MS4A4E: variants seen among roughly 807,000 people sequenced by gnomAD.
MS4A4E encodes the protein putative membrane-spanning 4-domains subfamily A member 4E.
A neutral mutation model predicts 13.3 loss-of-function variants in MS4A4E; 23 were observed. The ratio of observed to expected loss-of-function variants is 1.73; its 90% CI spans 1.25 to 2.45. MS4A4E has a LOEUF of 2.45. MS4A4E is among the 30% of genes most tolerant of loss of function. MS4A4E has a pLI of 0.00. For synonymous variants in MS4A4E, 36 were observed against 45.6 expected (o/e 0.79, Z 0.85); for missense variants, 144 against 131.2 (o/e 1.10, Z -0.48).
At chr11:60,203,278 C>T (rs570233087) in intron 8 of MS4A4E, among the ~76,000 whole-genome samples, 20 of 152,134 alleles carry the variant, frequency 1.3e-4, no homozygotes, top group African/African-American at 4.1e-4. Flanking sequence ...CTTTTCATAT[C>T]GCCTACCAGT....
At chr11:60,217,188 T>C (rs2084206903) in intron 3 of MS4A4E, among the ~76,000 whole-genome samples, 1 of 152,184 alleles carries the variant, frequency 6.6e-6, no homozygotes, top group Non-Finnish European at 1.5e-5. Context: ...GTGAGAGTCT[T>C]ATCTTCTGTA....
intron 1 of MS4A4E, among the ~76,000 whole-genome samples, chr11:60,231,830 A>G (rs1176290508): frequency 6.6e-6 from 1 of 152,206 alleles, no homozygotes; most frequent in African/African-American, 2.4e-5. Context: ...GGATTCCATA[A>G]AGAAGGAAGT....
intron 3 of MS4A4E, among the ~76,000 whole-genome samples, chr11:60,216,865 G>T (rs2084201172): frequency 1.3e-5 from 2 of 152,072 alleles, no homozygotes; most frequent in Admixed American, 1.3e-4. Flanking sequence ...GAAAAACATG[G>T]AAAGACTAGA....
At chr11:60,235,044 T>C (rs1371500469) in intron 1 of MS4A4E, among the ~76,000 whole-genome samples, 1 of 152,106 alleles carries the variant, frequency 6.6e-6, no homozygotes, top group African/African-American at 2.4e-5. Flanking sequence ...TCAAAAACTG[T>C]CAAAAGAGGC....
At chr11:60,216,117 T>G (rs543453410) in intron 3 of MS4A4E, among the ~76,000 whole-genome samples, 112 of 152,216 alleles carry the variant, frequency 7.4e-4, no homozygotes, top group Non-Finnish European at 1.3e-3. Flanking sequence ...GCAGGTGATG[T>G]TCGGAAAAAA....
chr11:60,223,263 TTC>T (rs1238233561), intron 3 of MS4A4E, among the ~76,000 whole-genome samples: 14 of 151,082 alleles, frequency 9.3e-5, no homozygotes, highest in African/African-American at 3.5e-4. Context: ...TCATTTTATT[TTC>T]TTTCTTTTTT....
intron 1 of MS4A4E, among the ~76,000 whole-genome samples, chr11:60,240,047 C>T (rs2084529174): frequency 6.6e-6 from 1 of 152,098 alleles, no homozygotes; most frequent in East Asian, 1.9e-4. Flanking sequence ...TTCAGTCTTC[C>T]TCAAAATTTA....
In MS4A4E at chr11:60,204,943, C is replaced by T. The variant is rs961494767; in HGVS notation, c.606G>A (p.Gln202=). 6.6e-6 allele frequency among the ~76,000 whole-genome samples: 1 copy of T among 152,154 alleles called. No individual in the cohort carries two copies. Among genetic ancestry groups the T allele is most frequent in the African/African-American group, 2.4e-5 (1 of 41,436 alleles). The change falls in exon 8 of 9, where the codon CAG becomes CAA. Residue 202 remains glutamine, a synonymous_variant. Coordinates refer to ENST00000651255, the MANE Select transcript of MS4A4E (RefSeq NM_001393391.1). ...TGTCATAATAGACTTTTTCCAGATA[C>T]TGTCCATCTCCGGAGCTGGAGAAAG... The part of the protein sequence containing the change: ...DSTVWCSGDG[Q]YLEKVYYDIL...
At chr11:60,237,181 A>T (rs1411045929) in intron 1 of MS4A4E, among the ~76,000 whole-genome samples, 1 of 152,170 alleles carries the variant, frequency 6.6e-6, no homozygotes, top group Non-Finnish European at 1.5e-5. Flanking sequence ...TCCACTTATA[A>T]GTGAGAACAT....
rs375929200 is a variant in MS4A4E at position 60,201,044 on chromosome 11, G to A, written c.*499C>T. Among the ~76,000 whole-genome samples the A allele has an allele frequency of 9.6e-5, 14 of 146,184 alleles. No individual in the cohort carries two copies. The highest frequency in any genetic ancestry group is 2.1e-4 in the East Asian group (1 of 4,780). ...TGACCCCCCCACCTCCCTCCCAGAC[G>A]TGGTGGCTGGCCGGGTGGGGGGCTG... is the stretch of plus-strand genomic sequence containing the variant. On this transcript the variant is annotated 3_prime_UTR_variant, in exon 9 of 9. Coordinates refer to ENST00000651255, the MANE Select transcript of MS4A4E (RefSeq NM_001393391.1).
chr11:60,223,879 C>G (rs11823254), intron 3 of MS4A4E, among the ~76,000 whole-genome samples: 2,061 of 152,210 alleles, frequency 0.014, 50 homozygotes, highest in African/African-American at 0.046. Context: ...TCAATACTCC[C>G]TAATAAACTT....
Position 60,203,463 on chromosome 11 carries a change from T to C in MS4A4E, c.659+1427A>G, listed in dbSNP as rs187802345. Among the ~76,000 whole-genome samples, 149 of 152,308 alleles carry C rather than the reference T, an allele frequency of 9.8e-4. No individual in the cohort carries two copies. In the Middle Eastern group the frequency reaches 0.017, roughly 17 times the overall value. ...TAATCATGTATGTAAAGAATAATTA[T>C]CTTGGCCAGGTGCAGTGGCTCAAAC... On this transcript the variant is annotated intron_variant, in intron 8 of 8. Transcript: ENST00000651255.
rs58774671 is a variant in MS4A4E, at chr11:60,208,353, G to A, written c.483+240C>T. On this transcript the variant is annotated intron_variant, in intron 6 of 8. Transcript: ENST00000651255. ...CCTCAACTTAAAGGAAATTAATTCC[G>A]CCACATTCACATGAAAGAGAATCAG... Among the ~76,000 whole-genome samples the A allele has an allele frequency of 7.3e-3, 1,110 of 152,178 alleles. 11 individuals carry two copies. The highest frequency in any genetic ancestry group is 0.026 in the African/African-American group (1,081 of 41,532).
intron 1 of MS4A4E, among the ~76,000 whole-genome samples, chr11:60,241,163 A>C (rs981269552): frequency 6.6e-6 from 1 of 152,164 alleles, no homozygotes; most frequent in Non-Finnish European, 1.5e-5. Context: ...AGCTGGGGCT[A>C]CCGGCGCCTG....
intron 5 of MS4A4E, among the ~76,000 whole-genome samples, chr11:60,212,062 A>G (rs1369562838): frequency 6.6e-6 from 1 of 152,190 alleles, no homozygotes; most frequent in Non-Finnish European, 1.5e-5. Flanking sequence ...ATTACTTACA[A>G]AATGTTGTGT....
intron 3 of MS4A4E, among the ~76,000 whole-genome samples, chr11:60,226,816 T>C (rs2084350025): frequency 6.6e-6 from 1 of 152,142 alleles, no homozygotes. Flanking sequence ...AATAAAGGTA[T>C]ACAATTGGTA....
In MS4A4E at chr11:60,213,360, TC is replaced by T. The variant is rs2084149545; in HGVS notation, c.223-229del. The T allele has an allele frequency of 3.4e-6, 5 of 1,466,792 alleles. No homozygotes were observed. The Admixed American group carries it at 7.9e-5, about 23-fold the overall frequency. The allele number at this position is 1,466,792 out of a possible 1,614,324, so 90.9% of individuals were successfully genotyped here. On this transcript the variant is annotated intron_variant, in intron 4 of 8. Transcript: ENST00000651255. ...GTGAGAAGATGAGATAATCTCCAAA[TC>T]ATTTATCAGGGTTTTCAATGATTTT...
intron 3 of MS4A4E, among the ~76,000 whole-genome samples, chr11:60,224,090 T>G (rs542622087): frequency 4.6e-5 from 7 of 152,212 alleles, no homozygotes; most frequent in Non-Finnish European, 8.8e-5. Flanking sequence ...ATAGATTCCT[T>G]GATTCTAACA....
In MS4A4E at chr11:60,201,574, C is replaced by T. The variant is rs2083990440; in HGVS notation, c.965G>A (p.Arg322Lys). 9.2e-6 allele frequency: 3 copies of T among 325,044 alleles called. No individual in the cohort carries two copies. The highest frequency in any genetic ancestry group is 1.9e-5 in the Non-Finnish European group (3 of 161,826). 20.1% of individuals were successfully genotyped at this position (325,044 alleles called of 1,614,324 possible). The change falls in exon 9 of 9, where the codon AGG becomes AAG. Residue 322 changes from arginine to lysine, a missense_variant. Arg to Lys is a conservative substitution (Grantham distance 26). Transcript: ENST00000651255. ...LPGHHPIWEV[R>K]SVSARPPIF Reference sequence around the variant, plus strand: ...GATGGGCGGCCGGGCGGAGACACTCCTCACCTCCCAGATGGGATGGTGGCC... The same window carrying T: ...GATGGGCGGCCGGGCGGAGACACTCTTCACCTCCCAGATGGGATGGTGGCC...
Sources: allele counts gnomAD v4.1 joint callset (sites outside exome capture counted in the v4.1 genomes callset), GRCh38; gene constraint gnomAD v4.1.1; transcripts MANE v1.5; gene names NCBI Gene and HGNC (gene_info 2026-07-23, HGNC 2026-07-21).